The following HCK variants were observed in gnomAD, a reference collection of about 807,000 sequenced individuals.
The protein encoded by HCK is tyrosine-protein kinase HCK.
Under a neutral mutation model 70.4 loss-of-function variants are expected in HCK, and 40 were observed. The observed-to-expected ratio is 0.57, with a 90% CI of 0.44 to 0.74. The LOEUF (loss-of-function observed/expected upper bound fraction) is 0.74. Among genes scored for constraint, HCK ranks in the 30% least tolerant of loss-of-function variants. The pLI, the probability that HCK is intolerant of heterozygous loss-of-function variation, is 0.00. For synonymous variants in HCK, 245 were observed against 263.2 expected, an observed-to-expected ratio of 0.93 and a Z score of 0.67; for missense variants, 568 against 697.2, an observed-to-expected ratio of 0.81 and a Z score of 2.09.
At chr20:32,079,058 C>CT (rs958004568) in intron 5 of HCK, among the ~76,000 whole-genome samples, 4 of 152,094 alleles carry the variant, frequency 2.6e-5, no homozygotes, top group African/African-American at 9.7e-5. Context: ...AGGTCTGGGG[C>CT]TTTTTTCCAA....
Position 32,084,500 on chromosome 20 carries a change from G to A in HCK, c.792G>A (p.Leu264=), listed in dbSNP as rs1337600250. The change falls in exon 8 of 13, where the codon CTG becomes CTA. Residue 264 remains leucine, a synonymous_variant. Coordinates refer to ENST00000375852, the MANE Select transcript of HCK (RefSeq NM_002110.5). Reference sequence around the variant, plus strand: ...AGATCCCTCGGGAATCCCTCAAGCTGGAGAAGAAACTTGGAGCTGGGCAGT... The same window carrying A: ...AGATCCCTCGGGAATCCCTCAAGCTAGAGAAGAAACTTGGAGCTGGGCAGT... 4.3e-6 allele frequency: 7 copies of A among 1,614,120 alleles called. No individual in the cohort carries two copies. Among genetic ancestry groups the A allele is most frequent in the South Asian group, 1.1e-5 (1 of 91,080 alleles).
intron 8 of HCK, among the ~76,000 whole-genome samples, chr20:32,084,988 C>T (rs908710790): frequency 2.0e-5 from 3 of 152,216 alleles, no homozygotes; most frequent in African/African-American, 7.2e-5. Flanking sequence ...ATCAGAAAGG[C>T]ACATCTCACA....
At chr20:32,094,042 A>G in intron 11 of HCK, 26 bp downstream of exon 11, 1 of 1,599,688 alleles carries the variant, frequency 6.3e-7, no homozygotes, top group Non-Finnish European at 8.5e-7. Flanking sequence ...AAGCAGCCCC[A>G]CGTTGCCCAT....
intron 9 of HCK, among the ~76,000 whole-genome samples, chr20:32,088,166 A>G (rs1050695256): frequency 1.3e-5 from 2 of 152,148 alleles, no homozygotes; most frequent in Admixed American, 6.5e-5. Context: ...TCGGTCTCCT[A>G]AAGTGTTGGA....
intron 1 of HCK, among the ~76,000 whole-genome samples, chr20:32,059,679 T>C (rs1476637738): frequency 6.6e-6 from 1 of 151,862 alleles, no homozygotes; most frequent in African/African-American, 2.4e-5. Context: ...CACACCCAGC[T>C]AATAAAAAAA....
chr20:32,094,781 GAGAAAGAGAAAGAA>G lies in HCK; in HGVS notation c.1246+773_1246+786del, dbSNP rs1416473555. On this transcript the variant is annotated intron_variant, in intron 11 of 12. Transcript: ENST00000375852. ...AGAAAGAAGGAAAGAAAGAAAGAGAGAGAAAGAGAAAGAAAGAAAGAAAGAAAGAAAGAAAGAAA... is the reference window on the plus strand; with the variant it reads ...AGAAAGAAGGAAAGAAAGAAAGAGAGAGAAAGAAAGAAAGAAAGAAAGAAA... Among the ~76,000 whole-genome samples, 3 of 89,134 alleles carry G rather than the reference GAGAAAGAGAAAGAA, an allele frequency of 3.4e-5. No homozygotes were observed. In the East Asian group the frequency reaches 8.2e-4, roughly 24 times the overall value. The allele number at this position is 89,134 out of a possible 152,430, so 58.5% of individuals were successfully genotyped here.
intron 6 of HCK, among the ~76,000 whole-genome samples, chr20:32,080,924 T>A (rs544232139): frequency 1.1e-4 from 16 of 151,796 alleles, no homozygotes; most frequent in African/African-American, 3.9e-4. Flanking sequence ...CCCATCTGTA[T>A]GAAAAATTTT....
At chr20:32,061,096 T>C (rs535587649) in intron 1 of HCK, among the ~76,000 whole-genome samples, 1 of 152,052 alleles carries the variant, frequency 6.6e-6, no homozygotes, top group Admixed American at 6.6e-5. Context: ...CAATTCTCCT[T>C]CCTCAGCCTC....
rs2045577810 is a variant in HCK, at chr20:32,073,706, C to A, written c.227-10C>A. ...ACGAAACCTCACCCTCTGTGTGTCT[C>A]CCTTCCCAGCAGGCTCTGAGGACAT... is the stretch of plus-strand genomic sequence containing the variant. On this transcript the variant is annotated splice_polypyrimidine_tract_variant and intron_variant, in intron 3 of 12. Transcript: ENST00000375852. 1.9e-6 allele frequency: 3 copies of A among 1,547,432 alleles called. No homozygotes were observed. Among genetic ancestry groups the A allele is most frequent in the Admixed American group, 1.9e-5 (1 of 51,590 alleles).
chr20:32,056,897 G>A (rs576457942), intron 1 of HCK, among the ~76,000 whole-genome samples: 1 of 151,990 alleles, frequency 6.6e-6, no homozygotes, highest in Non-Finnish European at 1.5e-5. Flanking sequence ...CACATAGTAG[G>A]GCCTCAAAAA....
At chr20:32,095,618 G>T (rs999890448) in intron 11 of HCK, among the ~76,000 whole-genome samples, 1 of 152,142 alleles carries the variant, frequency 6.6e-6, no homozygotes, top group Admixed American at 6.5e-5. Context: ...TGGTGGTGGG[G>T]AGTTGGGAGA....
chr20:32,067,349 G>A (rs138754176), intron 1 of HCK, among the ~76,000 whole-genome samples: 19 of 152,036 alleles, frequency 1.2e-4, no homozygotes, highest in Non-Finnish European at 2.8e-4. Flanking sequence ...CATTTCATCT[G>A]AAACTCTACA....
At chr20:32,078,830 C>G (rs943333559) in intron 5 of HCK, among the ~76,000 whole-genome samples, 2 of 121,414 alleles carry the variant, frequency 1.6e-5, no homozygotes, top group African/African-American at 6.9e-5. Flanking sequence ...GCACTCCAGC[C>G]TGGGTGACAG....
In HCK at chr20:32,066,506, T is replaced by G. The variant is rs188246708; in HGVS notation, c.63-5156T>G. On this transcript the variant is annotated intron_variant, in intron 1 of 12. Coordinates refer to ENST00000375852, the MANE Select transcript of HCK (RefSeq NM_002110.5). ...TTTTCTGTTTTCGGTAGAGTCAGGG[T>G]TTCATCATATTGGCCAGGCTTGTCT... is the stretch of plus-strand genomic sequence containing the variant. Among the ~76,000 whole-genome samples, 101 of 151,432 alleles carry G rather than the reference T, an allele frequency of 6.7e-4. 1 individual carries two copies. The highest frequency in any genetic ancestry group is 2.4e-3 in the African/African-American group (101 of 41,258).
intron 11 of HCK, among the ~76,000 whole-genome samples, chr20:32,095,872 T>A (rs1197774842): frequency 3.8e-5 from 2 of 52,118 alleles, no homozygotes; most frequent in East Asian, 7.5e-4. Flanking sequence ...TATTTATTTA[T>A]TTATTTATTT....
intron 11 of HCK, among the ~76,000 whole-genome samples, chr20:32,094,807 A>AAGAGAGAGAAAG (rs1569010749): frequency 4.6e-4 from 41 of 89,330 alleles, no homozygotes; most frequent in African/African-American, 1.1e-3. Context: ...GAAAGAAAGA[A>AAGAGAGAGAAAG]AGAAAGAAAG....
intron 11 of HCK, among the ~76,000 whole-genome samples, chr20:32,096,210 C>T (rs778749451): frequency 1.3e-4 from 19 of 149,964 alleles, no homozygotes; most frequent in East Asian, 2.1e-4. Flanking sequence ...TTTAAAGAGA[C>T]GGGTGCGGCC....
chr20:32,059,026 G>A (rs529775630), intron 1 of HCK, among the ~76,000 whole-genome samples: 1 of 152,370 alleles, frequency 6.6e-6, no homozygotes, highest in South Asian at 2.1e-4. Flanking sequence ...TAGCCACAGA[G>A]AAATCTCTCA....
chr20:32,101,019 C>G (rs2046025803), intron 12 of HCK, among the ~76,000 whole-genome samples: 1 of 152,152 alleles, frequency 6.6e-6, no homozygotes, highest in Non-Finnish European at 1.5e-5. Context: ...TCACAGTGTT[C>G]AAAGGAAGAG....
Sources: gnomAD v4.1 joint callset for allele counts (sites outside exome capture counted in the v4.1 genomes callset) on GRCh38, gnomAD v4.1.1 for gene constraint, MANE v1.5 for transcripts, NCBI Gene and HGNC (gene_info 2026-07-23, HGNC 2026-07-21) for gene names.